The following ANO2 variants were observed in gnomAD, a reference collection of about 807,000 sequenced individuals.
ANO2 encodes anoctamin 2.
A neutral mutation model predicts 124.2 loss-of-function variants in ANO2; 101 were observed. That is an observed-to-expected ratio of 0.81 (90% CI 0.69 to 0.96). ANO2 has a LOEUF of 0.96. Among genes scored for constraint, ANO2 ranks in the 40% least tolerant of loss-of-function variants. The pLI, the probability that ANO2 is intolerant of heterozygous loss-of-function variation, is 0.00. For missense variants in ANO2, 1,293 were observed against 1,274.5 expected (o/e 1.01, Z -0.22); for synonymous variants, 486 against 482.5 (o/e 1.01, Z -0.09).
At chr12:5,938,476 T>C (rs990150749) in intron 1 of ANO2, among the ~76,000 whole-genome samples, 4 of 152,238 alleles carry the variant, frequency 2.6e-5, no homozygotes, top group Non-Finnish European at 4.4e-5. Flanking sequence ...CCCAAAGTGC[T>C]GTGATTATAG....
chr12:5,711,057 C>T (rs1949795662), intron 14 of ANO2, among the ~76,000 whole-genome samples: 2 of 151,532 alleles, frequency 1.3e-5, no homozygotes, highest in African/African-American at 4.9e-5. Flanking sequence ...ACTCAGGAGG[C>T]TGAGGCAGGA....
chr12:5,651,844 T>C (rs1357470780), intron 14 of ANO2, among the ~76,000 whole-genome samples: 6 of 152,232 alleles, frequency 3.9e-5, no homozygotes, highest in Admixed American at 3.3e-4. Context: ...TCATAGAGTA[T>C]GCAGGCTGTT....
chr12:5,610,736 A>T, intron 19 of ANO2, among the ~76,000 whole-genome samples: 1 of 141,388 alleles, frequency 7.1e-6, no homozygotes, highest in African/African-American at 2.6e-5. Flanking sequence ...ATATATATAT[A>T]TATATATGAA....
intron 14 of ANO2, among the ~76,000 whole-genome samples, chr12:5,679,904 T>C (rs1462359047): frequency 1.3e-5 from 2 of 152,102 alleles, no homozygotes; most frequent in Non-Finnish European, 2.9e-5. Context: ...CCATCAATGA[T>C]AGACTAGATA....
In ANO2 at chr12:5,782,216, C is replaced by A. The variant is rs539374874; in HGVS notation, c.1055+17291G>T. Among the ~76,000 whole-genome samples, 8 of 152,294 alleles carry A rather than the reference C, an allele frequency of 5.3e-5. No individual in the cohort carries two copies. In the East Asian group the frequency reaches 1.5e-3, roughly 29 times the overall value. On this transcript the variant is annotated intron_variant, in intron 10 of 24. Transcript: ENST00000682330. ...TATTATCCATATGTCTGATAATATT[C>A]TTTTCCCAGACCCTACTGTCTGATA...
intron 3 of ANO2, among the ~76,000 whole-genome samples, chr12:5,906,895 G>A (rs967217143): frequency 2.0e-4 from 31 of 152,086 alleles, no homozygotes; most frequent in Admixed American, 1.0e-3. Context: ...TCCATTCAGC[G>A]GCAAGCATAG....
chr12:5,764,312 T>G (rs1017943247), intron 10 of ANO2, among the ~76,000 whole-genome samples: 2 of 152,182 alleles, frequency 1.3e-5, no homozygotes, highest in African/African-American at 4.8e-5. Flanking sequence ...ATAGCAGCAA[T>G]AGTAACTGAG....
intron 10 of ANO2, among the ~76,000 whole-genome samples, chr12:5,756,011 T>G (rs1951571343): frequency 6.6e-6 from 1 of 152,166 alleles, no homozygotes; most frequent in East Asian, 1.9e-4. Flanking sequence ...CACTCTATGG[T>G]GTCCCATAAG....
chr12:5,936,593 G>A (rs563630907), intron 1 of ANO2, among the ~76,000 whole-genome samples: 5 of 152,286 alleles, frequency 3.3e-5, no homozygotes, highest in East Asian at 1.9e-4. Flanking sequence ...CTGGAGAACT[G>A]TAAGAAATAA....
At chr12:5,853,010 A>G (rs1954962629) in intron 4 of ANO2, among the ~76,000 whole-genome samples, 1 of 151,964 alleles carries the variant, frequency 6.6e-6, no homozygotes, top group Non-Finnish European at 1.5e-5. Context: ...CCTAAGAGAC[A>G]TGGCAGATGG....
chr12:5,792,487 A>T (rs1348649369), intron 10 of ANO2, among the ~76,000 whole-genome samples: 2 of 152,216 alleles, frequency 1.3e-5, no homozygotes, highest in African/African-American at 4.8e-5. Flanking sequence ...GTGAGGTTTT[A>T]CCATGATTCA....
chr12:5,767,261 G>C (rs954271215), intron 10 of ANO2, among the ~76,000 whole-genome samples: 3 of 152,234 alleles, frequency 2.0e-5, no homozygotes, highest in African/African-American at 7.2e-5. Context: ...ATGCCAGAGA[G>C]AAAGTTCCGA....
At chr12:5,653,209 T>C (rs1160360158) in intron 14 of ANO2, among the ~76,000 whole-genome samples, 4 of 152,210 alleles carry the variant, frequency 2.6e-5, no homozygotes, top group Non-Finnish European at 5.9e-5. Context: ...AGCCAAACCT[T>C]GCCATCGTCA....
At chr12:5,805,669 C>T (rs1026608919) in intron 9 of ANO2, among the ~76,000 whole-genome samples, 3 of 152,200 alleles carry the variant, frequency 2.0e-5, no homozygotes, top group Admixed American at 1.3e-4. Flanking sequence ...AGCCCCATCT[C>T]TGTTTCCTGT....
chr12:5,678,765 T>G (rs1195948283), intron 14 of ANO2, among the ~76,000 whole-genome samples: 1 of 152,260 alleles, frequency 6.6e-6, no homozygotes, highest in African/African-American at 2.4e-5. Flanking sequence ...TTATCAGTGA[T>G]TTGGATAAAG....
intron 13 of ANO2, among the ~76,000 whole-genome samples, chr12:5,734,961 C>T (rs1950797097): frequency 1.3e-5 from 2 of 152,126 alleles, no homozygotes; most frequent in Non-Finnish European, 1.5e-5. Context: ...TAACCCTTAA[C>T]TTTTTAAAGC....
chr12:5,681,967 C>A (rs144287532), intron 14 of ANO2, among the ~76,000 whole-genome samples: 8 of 152,134 alleles, frequency 5.3e-5, no homozygotes, highest in Non-Finnish European at 1.2e-4. Flanking sequence ...TGGGGAAAAT[C>A]ATGGAAAAAA....
intron 12 of ANO2, chr12:5,739,797 A>G: frequency 2.2e-6 from 1 of 448,792 alleles, no homozygotes; most frequent in Non-Finnish European, 4.5e-6. Context: ...CTTCATCAGC[A>G]CTGTCACTTT....
At chr12:5,793,856 C>A (rs1952767323) in intron 10 of ANO2, among the ~76,000 whole-genome samples, 1 of 152,174 alleles carries the variant, frequency 6.6e-6, no homozygotes, top group African/African-American at 2.4e-5. Flanking sequence ...CTCCTGTTTC[C>A]ATTGGTCAAC....
Sources: gnomAD v4.1 joint callset for allele counts (sites outside exome capture counted in the v4.1 genomes callset) on GRCh38, gnomAD v4.1.1 for gene constraint, MANE v1.5 for transcripts, NCBI Gene and HGNC (gene_info 2026-07-23, HGNC 2026-07-21) for gene names.